PNPLA6: variants seen among roughly 807,000 people sequenced by gnomAD.
PNPLA6 encodes patatin-like phospholipase domain-containing protein 6.
A neutral mutation model predicts 153.7 loss-of-function variants in PNPLA6; 105 were observed. The observed-to-expected ratio is 0.68, with a 90% CI of 0.58 to 0.80. The LOEUF (loss-of-function observed/expected upper bound fraction) is 0.80. Among genes scored for constraint, PNPLA6 ranks in the 30% least tolerant of loss-of-function variants. The pLI, the probability that PNPLA6 is intolerant of heterozygous loss-of-function variation, is 0.00. For synonymous variants in PNPLA6, 825 were observed against 822.2 expected (o/e 1.00, Z -0.06); for missense variants, 1,423 against 1,919.3 (o/e 0.74, Z 4.83).
At position 7,555,570 on chromosome 19, in the gene PNPLA6, G is replaced by A. The variant is rs372843776; in HGVS notation, c.2937-37G>A. On this transcript the variant is annotated intron_variant, in intron 23 of 31. Transcript: ENST00000600737. This position sits in a 1 kb window ranked among gnomAD's most constrained non-coding sequence, Gnocchi z 6.3. Reference sequence around the variant, plus strand: ...AGGGGCAGGGGAGTTCCTGCAGGTGGGGCCTAGCGGGTCACTGGGGCCCAT... The same window carrying A: ...AGGGGCAGGGGAGTTCCTGCAGGTGAGGCCTAGCGGGTCACTGGGGCCCAT... 9 of 1,606,606 alleles carry A rather than the reference G, an allele frequency of 5.6e-6. No individual in the cohort carries two copies. The African/African-American group carries it at 1.2e-4, about 21-fold the overall frequency.
In PNPLA6 at chr19:7,541,239, T is replaced by C; in HGVS notation, c.925-115T>C. The C allele has an allele frequency of 8.9e-7, 1 of 1,119,172 alleles. No individual in the cohort carries two copies. The highest frequency in any genetic ancestry group is 1.3e-6 in the Non-Finnish European group (1 of 759,162). The allele number at this position is 1,119,172 out of a possible 1,614,324, so 69.3% of individuals were successfully genotyped here. ...TGCCTCGCCCCATTTCCCCAGACTG[T>C]GGGTCTCTCCCTGGTTCCCGCCCGA... is the stretch of plus-strand genomic sequence containing the variant. On this transcript the variant is annotated intron_variant, in intron 7 of 31. Transcript: ENST00000600737. The surrounding 1 kb of genome is among the most constrained non-coding windows in gnomAD (Gnocchi z 5.2).
At position 7,551,896 on chromosome 19, in the gene PNPLA6, T is replaced by C. The variant is rs183255441; in HGVS notation, c.2260+459T>C. Among the ~76,000 whole-genome samples, 92 of 151,886 alleles carry C rather than the reference T, an allele frequency of 6.1e-4. 1 individual carries two copies. The highest frequency in any genetic ancestry group is 2.2e-3 in the African/African-American group (91 of 41,418). ...AGGAGGATCGCTTGAGCCCAGGAGA[T>C]TGAGTTTGAAACCAGCCTGGGCAAC... On this transcript the variant is annotated intron_variant, in intron 18 of 31. Coordinates refer to ENST00000600737, the MANE Select transcript of PNPLA6 (RefSeq NM_001166114.2).
At chr19:7,550,970 C>G in intron 16 of PNPLA6, 24 bp from the exon 17 acceptor site, 4 of 1,494,744 alleles carry the variant, frequency 2.7e-6, no homozygotes, top group Non-Finnish European at 3.6e-6. Flanking sequence ...CCAAGCAGCC[C>G]CAATCATGCA....
Position 7,541,329 on chromosome 19 carries a change from TG to T in PNPLA6, c.925-23del, listed in dbSNP as rs766061713. The T allele has an allele frequency of 6.2e-7, 1 of 1,607,138 alleles. No homozygotes were observed. Among genetic ancestry groups the T allele is most frequent in the Non-Finnish European group, 8.5e-7 (1 of 1,174,584 alleles). ...CTGCCCCTTACCCCGCCCCATCTTA[TG>T]GCCACGCCCCTCGAGCCCTGCAGAT... is the stretch of plus-strand genomic sequence containing the variant. On this transcript the variant is annotated intron_variant, in intron 7 of 31. Coordinates refer to ENST00000600737, the MANE Select transcript of PNPLA6 (RefSeq NM_001166114.2). The surrounding 1 kb of genome is among the most constrained non-coding windows in gnomAD (Gnocchi z 5.2).
rs768989684 is a variant in PNPLA6 at position 7,542,081 on chromosome 19, G to T, written c.1252+14G>T. Reference sequence around the variant, plus strand: ...GGGACATCTCAGGTTTGGAGCACTGGGTCTGCGGGGAGGGCCATGGAGCTT... The same window carrying T: ...GGGACATCTCAGGTTTGGAGCACTGTGTCTGCGGGGAGGGCCATGGAGCTT... On this transcript the variant is annotated intron_variant, in intron 10 of 31. Transcript: ENST00000600737. 2 of 1,600,216 alleles carry T rather than the reference G, an allele frequency of 1.2e-6. No homozygotes were observed. The highest frequency in any genetic ancestry group is 1.3e-5 in the African/African-American group (1 of 74,918).
intron 13 of PNPLA6, chr19:7,549,581 C>T (rs2023553733): frequency 2.5e-6 from 1 of 397,286 alleles, no homozygotes; most frequent in African/African-American, 2.1e-5. Context: ...CTCAGCCTTC[C>T]AGGTTCAGGC....
intron 3 of PNPLA6, among the ~76,000 whole-genome samples, chr19:7,537,550 C>G (rs1434341854): frequency 6.6e-6 from 1 of 152,232 alleles, no homozygotes; most frequent in Non-Finnish European, 1.5e-5. Context: ...GTCATGTAGT[C>G]TACCTGGAGG....
At chr19:7,542,952 C>T in intron 12 of PNPLA6, 24 bp downstream of exon 12, 1 of 1,613,854 alleles carries the variant, frequency 6.2e-7, no homozygotes, top group South Asian at 1.1e-5. Context: ...GGGAGCTGGG[C>T]ACAGGGCGCA....
intron 27 of PNPLA6, among the ~76,000 whole-genome samples, chr19:7,558,229 A>T (rs1010777297): frequency 1.3e-5 from 2 of 152,222 alleles, no homozygotes; most frequent in Non-Finnish European, 2.9e-5. Flanking sequence ...GTGTGCATAT[A>T]TGAACAGACA....
chr19:7,539,124 C>G (rs541982180), intron 3 of PNPLA6, among the ~76,000 whole-genome samples: 198 of 152,338 alleles, frequency 1.3e-3, no homozygotes, highest in African/African-American at 3.1e-3. Context: ...ATGGGAGCAG[C>G]CATAATGATA....
chr19:7,559,759 G>A (rs749190394), intron 28 of PNPLA6, among the ~76,000 whole-genome samples: 16 of 151,998 alleles, frequency 1.1e-4, no homozygotes, highest in Non-Finnish European at 1.6e-4. Flanking sequence ...TGGGAGGACC[G>A]CTCGAGCCCA....
At position 7,536,468 on chromosome 19, in the gene PNPLA6, C is replaced by G; in HGVS notation, c.335C>G (p.Ser112Cys). The change falls in exon 3 of 32, where the codon TCC (serine) becomes TGC (cysteine). Residue 112 changes from serine to cysteine, a missense_variant. Physicochemically the swap from Ser to Cys is moderately radical, Grantham distance 112. Around this residue, in one of 10 missense-constraint regions of PNPLA6, gnomAD observed 74 missense variants for 171.3 expected, o/e 0.43. Coordinates refer to ENST00000600737, the MANE Select transcript of PNPLA6 (RefSeq NM_001166114.2). Reference protein sequence around the residue: ...IMRKVSQSTSSLVDTSVSATS... With the variant: ...IMRKVSQSTSCLVDTSVSATS... Reference sequence around the variant, plus strand: ...TCCCAGGTGTCACAATCCACCTCCTCCCTCGTGGATACCTCTGTCTCCGCC... The same window carrying G: ...TCCCAGGTGTCACAATCCACCTCCTGCCTCGTGGATACCTCTGTCTCCGCC... The G allele has an allele frequency of 6.2e-7, 1 of 1,612,910 alleles. No homozygotes were observed. Among genetic ancestry groups the G allele is most frequent in the Non-Finnish European group, 8.5e-7 (1 of 1,178,850 alleles).
intron 3 of PNPLA6, among the ~76,000 whole-genome samples, chr19:7,538,403 G>A (rs2022972226): frequency 6.6e-6 from 1 of 151,652 alleles, no homozygotes; most frequent in Admixed American, 6.6e-5. Flanking sequence ...GGCTAGTCTT[G>A]AACTCCTGGC....
At chr19:7,535,406 C>A (rs930762270), upstream of PNPLA6, 27 of 886,006 alleles carry the variant, frequency 3.0e-5, no homozygotes, top group Non-Finnish European at 4.2e-5. This position sits in a 1 kb window ranked among gnomAD's most constrained non-coding sequence, Gnocchi z 5.0. Flanking sequence ...TCCCCCGCCA[C>A]CCCAGAGGGC....
At position 7,555,132 on chromosome 19, in the gene PNPLA6, G is replaced by C; in HGVS notation, c.2817+57G>C. 6.4e-7 allele frequency: 1 copy of C among 1,565,056 alleles called. No homozygotes were observed. Among genetic ancestry groups the C allele is most frequent in the Admixed American group, 1.8e-5 (1 of 54,772 alleles). On this transcript the variant is annotated intron_variant, in intron 22 of 31. Transcript: ENST00000600737. This position sits in a 1 kb window ranked among gnomAD's most constrained non-coding sequence, Gnocchi z 6.3. ...GGCGTGGCTGGTGGGCGAGGCTTGG[G>C]AGACTGGGGCGGGGCCTGGGAGGGC...
At chr19:7,543,209 A>C in intron 13 of PNPLA6, 125 bp downstream of exon 13, 2 of 871,292 alleles carry the variant, frequency 2.3e-6, no homozygotes, top group Non-Finnish European at 3.8e-6. Context: ...GACCTCTCTC[A>C]TCCTATCATT....
Position 7,550,280 on chromosome 19 carries a change from C to T in PNPLA6, c.1815-18C>T. On this transcript the variant is annotated intron_variant, in intron 14 of 31. Transcript: ENST00000600737. ...GGTTTTGAGGCCTTCCTCTTTCATC[C>T]CAAGTCTGTTCCTGCAGGATCATGC... 6.2e-7 allele frequency: 1 copy of T among 1,612,926 alleles called. No individual in the cohort carries two copies. Among genetic ancestry groups the T allele is most frequent in the Non-Finnish European group, 8.5e-7 (1 of 1,180,042 alleles).
rs1043129630 is a variant in PNPLA6 at position 7,542,589 on chromosome 19, C to T, written c.1281C>T (p.Phe427=). The change falls in exon 11 of 32, where the codon TTC becomes TTT. Residue 427 remains phenylalanine (F), a synonymous_variant. Transcript: ENST00000600737. ...SGLQGGPRSD[F]DMAYERGRIS... The stretch of plus-strand genomic sequence containing the variant: ...TGCAGGGTGGCCCCCGCTCCGACTT[C>T]GACATGGCCTATGAGCGTGGCCGGA... 3.6e-5 allele frequency: 58 copies of T among 1,613,744 alleles called. No homozygotes were observed. Among genetic ancestry groups the T allele is most frequent in the Non-Finnish European group, 4.7e-5 (55 of 1,179,990 alleles).
chr19:7,551,916 G>T (rs1162264916), intron 18 of PNPLA6, among the ~76,000 whole-genome samples: 1 of 151,950 alleles, frequency 6.6e-6, no homozygotes, highest in African/African-American at 2.4e-5. Flanking sequence ...AACCAGCCTG[G>T]GCAACATAGT....
Sources: gnomAD v4.1 joint callset for allele counts (sites outside exome capture counted in the v4.1 genomes callset) on GRCh38, gnomAD v4.1.1 for gene constraint, gnomAD v4.1.1 regional missense constraint, Gnocchi (gnomAD v3.1) non-coding constraint, MANE v1.5 for transcripts, NCBI Gene and HGNC (gene_info 2026-07-23, HGNC 2026-07-21) for gene names.